PDE1C: variants seen among roughly 807,000 people sequenced by gnomAD.
PDE1C encodes phosphodiesterase 1C.
Under a neutral mutation model 93.1 loss-of-function variants are expected in PDE1C, and 62 were observed. The observed-to-expected ratio is 0.67, with a 90% CI of 0.54 to 0.82. The LOEUF (loss-of-function observed/expected upper bound fraction) is 0.82, where lower values mean the gene tolerates loss of function less well. PDE1C is among the 40% of genes least tolerant of loss of function. The pLI, the probability that PDE1C is intolerant of heterozygous loss-of-function variation, is 0.00. For synonymous variants in PDE1C, 325 were observed against 310.1 expected (o/e 1.05, Z -0.50); for missense variants, 742 against 884.6 (o/e 0.84, Z 2.04).
At chr7:31,905,856 T>C (rs1227872046) in intron 2 of PDE1C, among the ~76,000 whole-genome samples, 1 of 152,170 alleles carries the variant, frequency 6.6e-6, no homozygotes, top group Admixed American at 6.5e-5. Context: ...GCTATTGTTC[T>C]CATGATAGTG....
At chr7:31,766,605 C>T (rs1313722982) in intron 17 of PDE1C, among the ~76,000 whole-genome samples, 1 of 152,176 alleles carries the variant, frequency 6.6e-6, no homozygotes, top group East Asian at 1.9e-4. Flanking sequence ...AGCCATCCTC[C>T]AGAATTTGGT....
At chr7:31,637,039 T>C in the PDE1C span, among the ~76,000 whole-genome samples, 2 of 152,004 alleles carry the variant, frequency 1.3e-5, no homozygotes, top group African/African-American at 4.8e-5. Context: ...TCCAGCTTCA[T>C]CCATGTCCCT....
chr7:31,675,584 G>A, the PDE1C span, among the ~76,000 whole-genome samples: 3 of 151,954 alleles, frequency 2.0e-5, no homozygotes, highest in Admixed American at 2.0e-4. Flanking sequence ...TACCTTGACT[G>A]ATACACACAA....
At chr7:32,261,959 T>G (rs1388056930) in intron 1 of PDE1C, among the ~76,000 whole-genome samples, 7 of 151,028 alleles carry the variant, frequency 4.6e-5, no homozygotes, top group Non-Finnish European at 1.0e-4. Context: ...ACAAACATGG[T>G]GTGCTGACCC....
the PDE1C span, among the ~76,000 whole-genome samples, chr7:31,628,622 T>C: frequency 1.3e-5 from 2 of 151,964 alleles, no homozygotes; most frequent in African/African-American, 4.8e-5. Context: ...CACGCCCCGC[T>C]AATTTTTGTA....
intron 1 of PDE1C, among the ~76,000 whole-genome samples, chr7:32,334,885 T>TCTTTCAAA (rs2128078131): frequency 6.6e-6 from 1 of 152,248 alleles, no homozygotes; most frequent in Admixed American, 6.5e-5. Context: ...TCTTTAAATG[T>TCTTTCAAA]TTTGTCTTTC....
At chr7:32,163,205 A>G (rs533200342) in intron 3 of PDE1C, among the ~76,000 whole-genome samples, 1 of 152,252 alleles carries the variant, frequency 6.6e-6, no homozygotes, top group East Asian at 1.9e-4. Context: ...ACTTCCTATG[A>G]GCTAATTGGG....
chr7:31,619,563 G>C, the PDE1C span, among the ~76,000 whole-genome samples: 2 of 151,698 alleles, frequency 1.3e-5, no homozygotes, highest in African/African-American at 4.8e-5. Flanking sequence ...TCTATGCTGA[G>C]GAAATCAATG....
At chr7:31,635,486 G>C in the PDE1C span, among the ~76,000 whole-genome samples, 1 of 152,166 alleles carries the variant, frequency 6.6e-6, no homozygotes, top group Non-Finnish European at 1.5e-5. Context: ...CCCAATGTCT[G>C]ATTTTTTATT....
Position 32,348,480 on chromosome 7 carries a change from T to A in PDE1C, c.310+79342A>T, listed in dbSNP as rs1783896651. 3.5e-5 allele frequency among the ~76,000 whole-genome samples: 5 copies of A among 144,458 alleles called. No homozygotes were observed. The South Asian group carries it at 1.2e-3, about 35-fold the overall frequency. 94.8% of individuals were successfully genotyped at this position (144,458 alleles called of 152,430 possible). ...ACCAGGTTCATGCCATTCTCCTGCC[T>A]CAGCCTCCCAGGTAGCTGGGACTAC... On this transcript the variant is annotated intron_variant, in intron 1 of 1. Coordinates refer to the PDE1C transcript ENST00000672256.
At chr7:32,182,029 C>A (rs1277685549) in intron 2 of PDE1C, among the ~76,000 whole-genome samples, 1 of 152,192 alleles carries the variant, frequency 6.6e-6, no homozygotes, top group East Asian at 1.9e-4. Flanking sequence ...CACCTCTACA[C>A]AAATAAACTA....
chr7:31,764,144 T>C (rs1463746175), intron 17 of PDE1C, among the ~76,000 whole-genome samples: 1 of 152,120 alleles, frequency 6.6e-6, no homozygotes, highest in Non-Finnish European at 1.5e-5. Context: ...GTTCATTCAC[T>C]CACTTTGGTT....
chr7:31,623,124 C>A, the PDE1C span, among the ~76,000 whole-genome samples: 1 of 152,090 alleles, frequency 6.6e-6, no homozygotes, highest in Non-Finnish European at 1.5e-5. Flanking sequence ...AGCTTACCAA[C>A]CAAAAAGAGT....
At chr7:31,619,460 G>A in the PDE1C span, among the ~76,000 whole-genome samples, 2 of 149,810 alleles carry the variant, frequency 1.3e-5, no homozygotes, top group Admixed American at 1.3e-4. Context: ...TATGTGTAGA[G>A]CTAAGTTTAA....
chr7:32,339,859 C>T (rs552920749), intron 1 of PDE1C, among the ~76,000 whole-genome samples: 5 of 152,174 alleles, frequency 3.3e-5, no homozygotes, highest in South Asian at 2.1e-4. Context: ...GGCCACCCTG[C>T]GGTGTAGGGT....
At chr7:32,086,410 G>A (rs374816574) in intron 3 of PDE1C, among the ~76,000 whole-genome samples, 5 of 152,240 alleles carry the variant, frequency 3.3e-5, no homozygotes, top group East Asian at 3.9e-4. Flanking sequence ...AATAAATATC[G>A]TGAAAATGGC....
At chr7:32,145,644 C>G (rs1375389106) in intron 3 of PDE1C, among the ~76,000 whole-genome samples, 2 of 152,154 alleles carry the variant, frequency 1.3e-5, no homozygotes, top group African/African-American at 4.8e-5. Context: ...ATAATTATTA[C>G]AAAATTATTA....
At chr7:31,825,083 T>C (rs1251141362) in intron 12 of PDE1C, 96 bp from the exon 13 acceptor site, 1 of 1,505,292 alleles carries the variant, frequency 6.6e-7, no homozygotes, top group Non-Finnish European at 9.1e-7. Context: ...CCAGATCAGA[T>C]TAAAAGAGAA....
At chr7:31,742,438 C>G in the PDE1C span, among the ~76,000 whole-genome samples, 3 of 152,204 alleles carry the variant, frequency 2.0e-5, no homozygotes, top group African/African-American at 7.2e-5. Context: ...TGTGGTGGTG[C>G]ACACCTGAAG....
Sources: allele counts gnomAD v4.1 joint callset (sites outside exome capture counted in the v4.1 genomes callset), GRCh38; gene constraint gnomAD v4.1.1; transcripts MANE v1.5; gene names NCBI Gene and HGNC (gene_info 2026-07-23, HGNC 2026-07-21).